Variants in CNTN3 observed in about 807,000 individuals in gnomAD.
The protein encoded by CNTN3 is contactin-3.
A neutral mutation model predicts 119.1 loss-of-function variants in CNTN3; 60 were observed. That is an observed-to-expected ratio of 0.50 (90% CI 0.41 to 0.62). The LOEUF (loss-of-function observed/expected upper bound fraction) is 0.62, where lower values mean the gene tolerates loss of function less well. Among genes scored for constraint, CNTN3 ranks in the 20% least tolerant of loss-of-function variants. The pLI is 0.00. For synonymous variants in CNTN3, 450 were observed against 438.7 expected (o/e 1.03, Z -0.32); for missense variants, 1,101 against 1,242.4 (o/e 0.89, Z 1.71).
chr3:74,500,504 C>A (rs1008297447), intron 2 of CNTN3, among the ~76,000 whole-genome samples: 4 of 86,668 alleles, frequency 4.6e-5, no homozygotes, highest in Non-Finnish European at 7.5e-5. Context: ...CAAACAAATT[C>A]GCCCAAAAAA....
rs1189079760 is a variant in CNTN3 at position 74,285,316 on chromosome 3, G to A, written c.2693C>T (p.Thr898Ile). 6.2e-7 allele frequency: 1 copy of A among 1,602,784 alleles called. No individual in the cohort carries two copies. ...CAGAATATACTTACGCGTTTTCTTG[G>A]TGGTTACATTAACTGTGGCGCTAAA... The part of the protein sequence containing the change: ...GPFSATVNVT[T>I]KKTPPSQPPG... Residue 898 changes from threonine (T) to isoleucine (I), a missense_variant, in exon 20 of 23, where the codon ACC (threonine) becomes ATC (isoleucine). Thr to Ile is a moderately conservative substitution (Grantham distance 89). Transcript: ENST00000263665.
intron 1 of CNTN3, among the ~76,000 whole-genome samples, chr3:74,583,128 T>C (rs1259051453): frequency 6.6e-6 from 1 of 152,062 alleles, no homozygotes; most frequent in South Asian, 2.1e-4. Flanking sequence ...CTGTCAGTAG[T>C]TGTTTGGTAC....
rs150659691 is a variant in CNTN3, at chr3:74,526,567, T to C, written c.-80-5375A>G. 7.4e-3 allele frequency among the ~76,000 whole-genome samples: 1,126 copies of C among 151,952 alleles called. 11 individuals carry two copies. The highest frequency in any genetic ancestry group is 0.01 in the Middle Eastern group (3 of 294). On this transcript the variant is annotated intron_variant, in intron 1 of 22. Coordinates refer to ENST00000263665, the MANE Select transcript of CNTN3 (RefSeq NM_020872.3). ...TCCCTCCTGCCGAAAACTGGCCAGA[T>C]AGGTAATCAAAGTTACATGAACTCT... is the stretch of plus-strand genomic sequence containing the variant.
intron 5 of CNTN3, among the ~76,000 whole-genome samples, chr3:74,405,538 T>C (rs952150934): frequency 3.9e-5 from 6 of 152,120 alleles, no homozygotes; most frequent in Admixed American, 3.9e-4. Context: ...TCTAAATACA[T>C]TATCAATATC....
chr3:74,558,385 T>A (rs888916288), intron 1 of CNTN3, among the ~76,000 whole-genome samples: 8 of 152,200 alleles, frequency 5.3e-5, no homozygotes, highest in Non-Finnish European at 5.9e-5. Flanking sequence ...AAGAAACTTA[T>A]TAGGAGTAAA....
At chr3:74,449,825 T>G (rs140779063) in intron 4 of CNTN3, among the ~76,000 whole-genome samples, 5 of 152,092 alleles carry the variant, frequency 3.3e-5, no homozygotes, top group Non-Finnish European at 7.3e-5. Context: ...TTCAAAAATA[T>G]CTACACAGAA....
chr3:74,344,071 A>ATAAT (rs1703615200), intron 11 of CNTN3, among the ~76,000 whole-genome samples: 1 of 152,262 alleles, frequency 6.6e-6, no homozygotes, highest in African/African-American at 2.4e-5. Flanking sequence ...TTCTTAGCTA[A>ATAAT]TAATTGTTTG....
At chr3:74,521,852 G>A (rs1703548008) in intron 1 of CNTN3, among the ~76,000 whole-genome samples, 1 of 151,824 alleles carries the variant, frequency 6.6e-6, no homozygotes, top group African/African-American at 2.4e-5. Flanking sequence ...GTCATTTTGA[G>A]TGGCCACTTA....
rs145013741 is a variant in CNTN3 at position 74,334,822 on chromosome 3, C to T, written c.1581G>A (p.Pro527=). The T allele has an allele frequency of 1.6e-5, 26 of 1,613,236 alleles. 1 individual carries two copies. Among genetic ancestry groups the T allele is most frequent in the Admixed American group, 6.7e-5 (4 of 59,934 alleles). The change falls in exon 13 of 23, where the codon CCG becomes CCA. Residue 527 remains proline, a synonymous_variant. Transcript: ENST00000263665. ...ACCAGGTAAAGATGATGTCTAACAG[C>T]GGGTCATGTTGTACCTGGCAGGGCA... ...VILPCQVQHD[P]LLDIIFTWYF...
intron 4 of CNTN3, among the ~76,000 whole-genome samples, chr3:74,476,879 G>T (rs1702665374): frequency 6.6e-6 from 1 of 152,012 alleles, no homozygotes; most frequent in Non-Finnish European, 1.5e-5. Flanking sequence ...AGTTAACATG[G>T]AAGAACACAA....
intron 2 of CNTN3, among the ~76,000 whole-genome samples, chr3:74,513,530 A>T (rs143760446): frequency 6.6e-6 from 1 of 152,124 alleles, no homozygotes; most frequent in Non-Finnish European, 1.5e-5. Flanking sequence ...AAACAGTCAC[A>T]AAGTTCAGGG....
chr3:74,489,499 A>G (rs1203706705), intron 3 of CNTN3, among the ~76,000 whole-genome samples: 1 of 149,552 alleles, frequency 6.7e-6, no homozygotes, highest in Non-Finnish European at 1.5e-5. Flanking sequence ...AATCAGTAAA[A>G]AAACATTTAT....
intron 4 of CNTN3, among the ~76,000 whole-genome samples, chr3:74,461,420 C>T (rs868408025): frequency 6.6e-6 from 1 of 151,836 alleles, no homozygotes; most frequent in Admixed American, 6.6e-5. Context: ...TTCTTCTATC[C>T]CCTAAATTGG....
At chr3:74,570,258 C>A (rs902475690) in intron 1 of CNTN3, among the ~76,000 whole-genome samples, 4 of 152,028 alleles carry the variant, frequency 2.6e-5, no homozygotes, top group African/African-American at 9.7e-5. Context: ...AGAATCCAGC[C>A]TACCATACTT....
rs1376525942 is a variant in CNTN3 at position 74,267,582 on chromosome 3, AC to A, written c.2705-205del. On this transcript the variant is annotated intron_variant, in intron 20 of 22. Transcript: ENST00000263665. ...GAAAGGCATTTCATTCATACACCAA[AC>A]CCCCGTGACACGTAATTTATTCATG... 4 of 490,480 alleles carry A rather than the reference AC, an allele frequency of 8.2e-6. No individual in the cohort carries two copies. The Admixed American group carries it at 1.3e-4, about 16-fold the overall frequency. The allele number at this position is 490,480 out of a possible 1,614,324, so 30.4% of individuals were successfully genotyped here.
At chr3:74,288,213 T>C (rs1178357925) in intron 19 of CNTN3, among the ~76,000 whole-genome samples, 2 of 147,774 alleles carry the variant, frequency 1.4e-5, no homozygotes, top group Admixed American at 1.4e-4. Flanking sequence ...GGCTGGAATA[T>C]AGTGGCACGA....
At chr3:74,569,458 C>T (rs571680491) in intron 1 of CNTN3, among the ~76,000 whole-genome samples, 4 of 152,178 alleles carry the variant, frequency 2.6e-5, no homozygotes, top group Admixed American at 2.6e-4. Flanking sequence ...TACTGTCTCG[C>T]GTTATAAAAC....
chr3:74,527,054 G>A (rs1221135384), intron 1 of CNTN3, among the ~76,000 whole-genome samples: 1 of 151,680 alleles, frequency 6.6e-6, no homozygotes, highest in Non-Finnish European at 1.5e-5. Context: ...CTTTTACATA[G>A]GAATCATATG....
At chr3:74,559,104 C>T (rs2107171549) in intron 1 of CNTN3, among the ~76,000 whole-genome samples, 1 of 151,948 alleles carries the variant, frequency 6.6e-6, no homozygotes, top group East Asian at 1.9e-4. Context: ...TTATTAGTAT[C>T]ATAATTAATA....
Sources: gnomAD v4.1 joint callset for allele counts (sites outside exome capture counted in the v4.1 genomes callset) on GRCh38, gnomAD v4.1.1 for gene constraint, MANE v1.5 for transcripts, NCBI Gene and HGNC (gene_info 2026-07-23, HGNC 2026-07-21) for gene names.